Variants in NAALADL2 observed in about 807,000 individuals in gnomAD.
The protein encoded by NAALADL2 is N-acetylated alpha-linked acidic dipeptidase like 2.
In NAALADL2, 76 loss-of-function variants were observed where a neutral mutation model predicts 87.2. The observed-to-expected ratio is 0.87, with a 90% CI of 0.72 to 1.05. The LOEUF (loss-of-function observed/expected upper bound fraction) is 1.05, where lower values mean the gene tolerates loss of function less well. NAALADL2 is among the 50% of genes least tolerant of loss of function. The pLI is 0.00. For synonymous variants in NAALADL2, 354 were observed against 331.0 expected (o/e 1.07, Z -0.75); for missense variants, 1,089 against 945.8 (o/e 1.15, Z -1.99).
At chr3:175,169,471 A>ATATATATG in intron 2 of NAALADL2, among the ~76,000 whole-genome samples, 1 of 151,106 alleles carries the variant, frequency 6.6e-6, no homozygotes, top group East Asian at 1.9e-4. Flanking sequence ...ATATATATAT[A>ATATATATG]TAATCTGTTG....
chr3:174,562,072 T>C (rs1437687293), intron 2 of NAALADL2, among the ~76,000 whole-genome samples: 2 of 152,154 alleles, frequency 1.3e-5, no homozygotes, highest in African/African-American at 4.8e-5. Context: ...TGCATTTTAG[T>C]GAATACAGAA....
intron 3 of NAALADL2, among the ~76,000 whole-genome samples, chr3:174,848,223 G>GA (rs1724859013): frequency 6.6e-6 from 1 of 151,934 alleles, no homozygotes; most frequent in Admixed American, 6.6e-5. Flanking sequence ...TTCATGCTTT[G>GA]AAAACCACTT....
At chr3:174,600,011 A>C (rs1268443652) in intron 2 of NAALADL2, among the ~76,000 whole-genome samples, 2 of 152,176 alleles carry the variant, frequency 1.3e-5, no homozygotes, top group Non-Finnish European at 2.9e-5. Context: ...GCTTCAAGTA[A>C]CTTAGATAGG....
At chr3:175,795,345 A>G (rs1753327151) in intron 13 of NAALADL2, among the ~76,000 whole-genome samples, 1 of 152,128 alleles carries the variant, frequency 6.6e-6, no homozygotes, top group African/African-American at 2.4e-5. Context: ...ATATCTCCTG[A>G]ATTTAGCTAG....
At chr3:175,340,420 C>T (rs1375671960) in intron 5 of NAALADL2, among the ~76,000 whole-genome samples, 1 of 152,078 alleles carries the variant, frequency 6.6e-6, no homozygotes, top group African/African-American at 2.4e-5. Flanking sequence ...AATTTGCACT[C>T]TATTTACAGC....
At chr3:175,282,621 C>T (rs1754454104) in intron 4 of NAALADL2, among the ~76,000 whole-genome samples, 1 of 152,002 alleles carries the variant, frequency 6.6e-6, no homozygotes, top group Admixed American at 6.6e-5. Flanking sequence ...TACTGGAAGG[C>T]CTAGCTACCT....
intron 1 of NAALADL2, among the ~76,000 whole-genome samples, chr3:174,469,354 T>C (rs1716751374): frequency 6.6e-6 from 1 of 151,174 alleles, no homozygotes; most frequent in South Asian, 2.1e-4. Context: ...GCCTCCCGGG[T>C]TCAAGCGGTT....
At position 175,372,711 on chromosome 3, in the gene NAALADL2, A is replaced by G. The variant is rs544036809; in HGVS notation, c.1090+48386A>G. Among the ~76,000 whole-genome samples the G allele has an allele frequency of 1.3e-4, 20 of 152,338 alleles. No homozygotes were observed. The South Asian group carries it at 4.1e-3, about 32-fold the overall frequency. On this transcript the variant is annotated intron_variant, in intron 5 of 13. Transcript: ENST00000454872. ...ATACCTGGGCACGTTGCCATACTCA[A>G]TAGAATTGTAATTCTATTAATGAAG...
chr3:174,724,059 A>G (rs1419762357), intron 2 of NAALADL2, among the ~76,000 whole-genome samples: 1 of 152,082 alleles, frequency 6.6e-6, no homozygotes, highest in Non-Finnish European at 1.5e-5. Flanking sequence ...TGCTATGATG[A>G]TTTCTTTCTC....
intron 9 of NAALADL2, among the ~76,000 whole-genome samples, chr3:175,524,610 C>T (rs757872879): frequency 6.6e-6 from 1 of 152,044 alleles, no homozygotes; most frequent in East Asian, 1.9e-4. Context: ...TGCTATTTCT[C>T]TTTAAATTAT....
intron 9 of NAALADL2, among the ~76,000 whole-genome samples, chr3:175,496,937 C>A (rs1283678602): frequency 6.6e-6 from 1 of 152,028 alleles, no homozygotes; most frequent in African/African-American, 2.4e-5. Flanking sequence ...TTATTTAATA[C>A]TCCTTATCAC....
At position 175,188,945 on chromosome 3, in the gene NAALADL2, C is replaced by T. The variant is rs917208322; in HGVS notation, c.546-44986C>T. Among the ~76,000 whole-genome samples, 7 of 152,180 alleles carry T rather than the reference C, an allele frequency of 4.6e-5. No individual in the cohort carries two copies. In the East Asian group the frequency reaches 7.7e-4, roughly 17 times the overall value. On this transcript the variant is annotated intron_variant, in intron 2 of 13. Transcript: ENST00000454872. ...AAGCCATGTCAATGCTGCACCCTTC[C>T]TCCCACAATCAAACTCATAGCTATA... is the stretch of plus-strand genomic sequence containing the variant.
chr3:175,586,523 A>T (rs1221402805), intron 10 of NAALADL2, among the ~76,000 whole-genome samples: 1 of 152,246 alleles, frequency 6.6e-6, no homozygotes, highest in Non-Finnish European at 1.5e-5. Flanking sequence ...GTCTCTTCTC[A>T]ATAGCTATAG....
At chr3:175,797,835 C>G (rs1031046122) in intron 13 of NAALADL2, among the ~76,000 whole-genome samples, 5 of 151,972 alleles carry the variant, frequency 3.3e-5, no homozygotes, top group African/African-American at 1.2e-4. Flanking sequence ...AAACAAGAAG[C>G]ATTTGCATAT....
intron 5 of NAALADL2, among the ~76,000 whole-genome samples, chr3:175,408,410 G>A (rs778670167): frequency 6.6e-6 from 1 of 151,898 alleles, no homozygotes; most frequent in South Asian, 2.1e-4. Context: ...TATTATTAGT[G>A]TATTAAACAG....
intron 1 of NAALADL2, among the ~76,000 whole-genome samples, chr3:174,497,706 G>C (rs1718632899): frequency 6.6e-6 from 1 of 152,084 alleles, no homozygotes; most frequent in Admixed American, 6.6e-5. Flanking sequence ...ATCTTTTGAA[G>C]CTGGCGCAGA....
chr3:175,132,900 C>T (rs546636954), intron 2 of NAALADL2, among the ~76,000 whole-genome samples: 18 of 151,094 alleles, frequency 1.2e-4, no homozygotes, highest in East Asian at 6.0e-4. Context: ...GGGCGGCTGC[C>T]GGGCGGAGGG....
intron 6 of NAALADL2, among the ~76,000 whole-genome samples, chr3:175,456,556 T>A (rs1722350980): frequency 6.6e-6 from 1 of 152,100 alleles, no homozygotes; most frequent in Non-Finnish European, 1.5e-5. Flanking sequence ...CGGTGAATTT[T>A]TTTTAAATCT....
chr3:175,516,842 C>T (rs1204458517), intron 9 of NAALADL2, among the ~76,000 whole-genome samples: 1 of 152,142 alleles, frequency 6.6e-6, no homozygotes, highest in Non-Finnish European at 1.5e-5. Context: ...TTGTTAGTGT[C>T]ACTTCTGTTA....
Sources: allele counts gnomAD v4.1 joint callset (sites outside exome capture counted in the v4.1 genomes callset), GRCh38; gene constraint gnomAD v4.1.1; transcripts MANE v1.5; gene names NCBI Gene and HGNC (gene_info 2026-07-23, HGNC 2026-07-21).